The following RORA variants were observed in gnomAD, a reference collection of about 807,000 sequenced individuals.
RORA encodes the protein RAR related orphan receptor A, also known as nuclear receptor ROR-alpha.
Under a neutral mutation model 69.5 loss-of-function variants are expected in RORA, and 7 were observed. That is an observed-to-expected ratio of 0.10 (90% CI 0.06 to 0.19). The LOEUF is 0.19. Among genes scored for constraint, RORA ranks in the 10% least tolerant of loss-of-function variants. The pLI is 1.00. For missense variants in RORA, 457 were observed against 663.0 expected, an observed-to-expected ratio of 0.69 and a Z score of 3.41; for synonymous variants, 261 against 240.8, an observed-to-expected ratio of 1.08 and a Z score of -0.78.
At chr15:61,040,622 T>C (rs761931643) in intron 1 of RORA, among the ~76,000 whole-genome samples, 1 of 152,096 alleles carries the variant, frequency 6.6e-6, no homozygotes, top group Non-Finnish European at 1.5e-5. Context: ...CCGTACACCC[T>C]ATGAGGACAA....
At chr15:61,184,465 T>A (rs1400245640) in intron 1 of RORA, among the ~76,000 whole-genome samples, 1 of 152,210 alleles carries the variant, frequency 6.6e-6, no homozygotes, top group African/African-American at 2.4e-5. Context: ...TCCTTAGAAT[T>A]AATCACTTCC....
intron 2 of RORA, among the ~76,000 whole-genome samples, chr15:60,671,066 T>TTATATATATATATATATA (rs1567149501): frequency 2.2e-4 from 4 of 18,514 alleles, no homozygotes; most frequent in African/African-American, 1.1e-3. Context: ...TATATCCCAT[T>TTATATATATATATATATA]GATATATATA....
intron 2 of RORA, among the ~76,000 whole-genome samples, chr15:60,616,730 C>A (rs1272191790): frequency 6.6e-6 from 1 of 152,188 alleles, no homozygotes; most frequent in Admixed American, 6.5e-5. Context: ...TAATCTTGTG[C>A]GTTGCACAAA....
At chr15:60,890,329 T>C (rs1045184346) in intron 1 of RORA, among the ~76,000 whole-genome samples, 11 of 152,252 alleles carry the variant, frequency 7.2e-5, no homozygotes, top group African/African-American at 2.7e-4. Context: ...AATGCCACTC[T>C]TTAACTACAG....
At chr15:60,754,819 AG>A (rs1391437731) in intron 1 of RORA, among the ~76,000 whole-genome samples, 1 of 152,148 alleles carries the variant, frequency 6.6e-6, no homozygotes, top group Non-Finnish European at 1.5e-5. Flanking sequence ...AGCTGGAAAT[AG>A]GGCTCCATTC....
chr15:60,543,925 C>A (rs1176725620), intron 2 of RORA, among the ~76,000 whole-genome samples: 1 of 152,154 alleles, frequency 6.6e-6, no homozygotes, highest in Non-Finnish European at 1.5e-5. Flanking sequence ...CAACACTAAC[C>A]AGGGCACGAT....
At chr15:60,954,258 C>T (rs1893198247) in intron 1 of RORA, among the ~76,000 whole-genome samples, 1 of 127,164 alleles carries the variant, frequency 7.9e-6, no homozygotes, top group Non-Finnish European at 1.6e-5. Context: ...CACATGGACA[C>T]AGGAAGGGGA....
intron 1 of RORA, among the ~76,000 whole-genome samples, chr15:61,091,927 T>C (rs1375796771): frequency 6.6e-6 from 1 of 152,226 alleles, no homozygotes; most frequent in African/African-American, 2.4e-5. Context: ...TTAAAAATGG[T>C]CTTTAAACAC....
intron 2 of RORA, chr15:60,592,698 G>A: frequency 9.6e-7 from 1 of 1,038,228 alleles, no homozygotes; most frequent in Non-Finnish European, 1.2e-6. Flanking sequence ...CCGCCCCCGC[G>A]GGCAGGTGAG....
chr15:61,214,444 C>T (rs993460865), intron 1 of RORA, among the ~76,000 whole-genome samples: 1 of 152,130 alleles, frequency 6.6e-6, no homozygotes, highest in Non-Finnish European at 1.5e-5. Context: ...GAAGCAAATT[C>T]GCTTTCAATA....
chr15:60,690,196 C>A (rs571457639), intron 1 of RORA, among the ~76,000 whole-genome samples: 9 of 152,322 alleles, frequency 5.9e-5, no homozygotes, highest in African/African-American at 2.2e-4. Context: ...TCCTCCAGGG[C>A]AGTCAAGTTT....
intron 1 of RORA, among the ~76,000 whole-genome samples, chr15:60,699,235 G>A (rs1452386305): frequency 6.6e-6 from 1 of 151,270 alleles, no homozygotes; most frequent in Non-Finnish European, 1.5e-5. Flanking sequence ...ATGCCTATAA[G>A]GACTTTATTT....
intron 1 of RORA, among the ~76,000 whole-genome samples, chr15:60,923,895 G>A (rs941290924): frequency 6.6e-6 from 1 of 152,180 alleles, no homozygotes; most frequent in Admixed American, 6.5e-5. Context: ...GAGTGGGCAA[G>A]GGCTCAGAAG....
rs1305587518 is a variant in RORA, at chr15:61,002,788, T to G, written c.166+226265A>C. On this transcript the variant is annotated intron_variant, in intron 1 of 10. Transcript: ENST00000335670. ...CACCCAGCCAGGGAATATAAATAAC[T>G]TGAGCTTACCAGTGTCACAGAACTG... Among the ~76,000 whole-genome samples the G allele has an allele frequency of 3.3e-5, 5 of 152,154 alleles. No individual in the cohort carries two copies. The East Asian group carries it at 9.7e-4, about 29-fold the overall frequency.
intron 2 of RORA, among the ~76,000 whole-genome samples, chr15:60,663,537 C>A (rs749428128): frequency 6.6e-6 from 1 of 152,222 alleles, no homozygotes; most frequent in Non-Finnish European, 1.5e-5. Context: ...CTCACTGCAA[C>A]CTCTGCCTCC....
At chr15:61,037,540 C>G (rs1025469728) in intron 1 of RORA, among the ~76,000 whole-genome samples, 4 of 152,190 alleles carry the variant, frequency 2.6e-5, no homozygotes, top group Non-Finnish European at 5.9e-5. Context: ...AACCAGCAAG[C>G]ACGCACTCTG....
intron 2 of RORA, among the ~76,000 whole-genome samples, chr15:60,617,913 T>C (rs780896955): frequency 3.3e-5 from 5 of 151,938 alleles, no homozygotes; most frequent in African/African-American, 9.7e-5. Context: ...GGGGGAAAAA[T>C]AGAGAGGCAG....
At chr15:61,023,465 C>A (rs1210037837) in intron 1 of RORA, among the ~76,000 whole-genome samples, 1 of 152,124 alleles carries the variant, frequency 6.6e-6, no homozygotes, top group Non-Finnish European at 1.5e-5. Context: ...ATGGGGGAAA[C>A]CACCCCCATG....
At chr15:60,641,039 A>T (rs1166772399) in intron 2 of RORA, among the ~76,000 whole-genome samples, 1 of 151,942 alleles carries the variant, frequency 6.6e-6, no homozygotes, top group Non-Finnish European at 1.5e-5. Flanking sequence ...TGTAGCCTTG[A>T]CCTCCTGGGC....
Sources: allele counts gnomAD v4.1 joint callset (sites outside exome capture counted in the v4.1 genomes callset), GRCh38; gene constraint gnomAD v4.1.1; transcripts MANE v1.5; gene names NCBI Gene and HGNC (gene_info 2026-07-23, HGNC 2026-07-21).